Variants in SORCS2 observed in about 807,000 individuals in gnomAD.
The protein encoded by SORCS2 is VPS10 domain-containing receptor SorCS2.
Under a neutral mutation model 141.6 loss-of-function variants are expected in SORCS2, and 100 were observed. The ratio of observed to expected loss-of-function variants is 0.71; its 90% confidence interval spans 0.60 to 0.83. The LOEUF (loss-of-function observed/expected upper bound fraction) is 0.83. Ranked by LOEUF, SORCS2 falls within the 40% of genes least tolerant of loss-of-function variation. The pLI is 0.00. For missense variants in SORCS2, 1,646 were observed against 1,560.2 expected, an observed-to-expected ratio of 1.05 and a Z score of -0.93; for synonymous variants, 789 against 676.9, an observed-to-expected ratio of 1.17 and a Z score of -2.57.
At chr4:7,344,521 C>T (rs892752985) in intron 1 of SORCS2, among the ~76,000 whole-genome samples, 1 of 152,248 alleles carries the variant, frequency 6.6e-6, no homozygotes, top group African/African-American at 2.4e-5. Flanking sequence ...GTGAGACCCA[C>T]TGGAGGGCAA....
At chr4:7,297,767 C>T (rs1717179064) in intron 1 of SORCS2, among the ~76,000 whole-genome samples, 1 of 152,214 alleles carries the variant, frequency 6.6e-6, no homozygotes, top group African/African-American at 2.4e-5. Context: ...TCAGGCTGGC[C>T]TCAGGCAGCA....
chr4:7,463,390 C>T (rs1364865002), intron 2 of SORCS2, among the ~76,000 whole-genome samples: 1 of 152,134 alleles, frequency 6.6e-6, no homozygotes, highest in African/African-American at 2.4e-5. Context: ...GCTTCACTCA[C>T]ATATTCTGAA....
chr4:7,633,734 G>A (rs987594251), intron 3 of SORCS2, among the ~76,000 whole-genome samples: 1 of 152,204 alleles, frequency 6.6e-6, no homozygotes. Flanking sequence ...AATTCCCTTA[G>A]GAGTCGCAGA....
intron 3 of SORCS2, among the ~76,000 whole-genome samples, chr4:7,631,787 T>G (rs1719914736): frequency 7.0e-6 from 1 of 143,786 alleles, no homozygotes. Flanking sequence ...CAGCCCTCCC[T>G]TCCCTCTTCA....
At chr4:7,256,837 G>A (rs956033923) in intron 1 of SORCS2, among the ~76,000 whole-genome samples, 5 of 152,006 alleles carry the variant, frequency 3.3e-5, no homozygotes, top group South Asian at 2.1e-4. Flanking sequence ...TGGGGAGCTC[G>A]GTCTGGCAGA....
intron 10 of SORCS2, among the ~76,000 whole-genome samples, chr4:7,683,666 C>T (rs1475382173): frequency 6.6e-6 from 1 of 152,222 alleles, no homozygotes; most frequent in African/African-American, 2.4e-5. Context: ...GAGGAGCAGA[C>T]ACTTGCTTCT....
chr4:7,624,507 A>G (rs77086893), intron 3 of SORCS2, among the ~76,000 whole-genome samples: 187 of 152,346 alleles, frequency 1.2e-3, no homozygotes, highest in African/African-American at 4.2e-3. Flanking sequence ...TCTCATCACA[A>G]ATATTTGAAG....
At chr4:7,301,351 A>T (rs1287890283) in intron 1 of SORCS2, among the ~76,000 whole-genome samples, 1 of 152,192 alleles carries the variant, frequency 6.6e-6, no homozygotes, top group Non-Finnish European at 1.5e-5. Flanking sequence ...GGAGGTGCTG[A>T]AGCCCACCCA....
intron 1 of SORCS2, among the ~76,000 whole-genome samples, chr4:7,301,526 A>C (rs1222449538): frequency 6.6e-6 from 1 of 152,220 alleles, no homozygotes; most frequent in Non-Finnish European, 1.5e-5. Flanking sequence ...CTGACCCCTG[A>C]GTATGGGCCC....
intron 2 of SORCS2, among the ~76,000 whole-genome samples, chr4:7,520,190 C>G (rs1349245371): frequency 6.6e-6 from 1 of 152,194 alleles, no homozygotes; most frequent in Non-Finnish European, 1.5e-5. Context: ...CAGCCACGTG[C>G]ACGCCTGGTC....
intron 2 of SORCS2, among the ~76,000 whole-genome samples, chr4:7,402,128 A>G (rs1460461284): frequency 1.3e-5 from 2 of 152,132 alleles, no homozygotes; most frequent in African/African-American, 2.4e-5. Flanking sequence ...AGTTTTTACC[A>G]CACCAGAGCC....
In SORCS2 at chr4:7,728,407, A is replaced by T. The variant is rs779772928; in HGVS notation, c.2927A>T (p.Asn976Ile). ...FSKELDAYNP[N>I]TPEWREDVGL... The stretch of plus-strand genomic sequence containing the variant: ...AAGGAGCTGGATGCCTACAACCCCA[A>T]CACCCCTGAGTGGAGGGAAGACGTG... Residue 976 changes from asparagine (N) to isoleucine (I), a missense_variant, in exon 22 of 27, where the codon AAC (asparagine) becomes ATC (isoleucine). Coordinates refer to ENST00000507866, the MANE Select transcript of SORCS2 (RefSeq NM_020777.3). The T allele has an allele frequency of 6.1e-5, 99 of 1,613,570 alleles. No individual in the cohort carries two copies. The South Asian group carries it at 1.1e-3, about 17-fold the overall frequency.
intron 3 of SORCS2, among the ~76,000 whole-genome samples, chr4:7,551,068 C>A (rs539574760): frequency 6.6e-6 from 1 of 152,322 alleles, no homozygotes; most frequent in East Asian, 1.9e-4. Flanking sequence ...CCAGGGAAGG[C>A]CACTTTGTTC....
intron 4 of SORCS2, among the ~76,000 whole-genome samples, chr4:7,639,933 A>ATG (rs137967695): frequency 0.79 from 118,953 of 151,088 alleles, 47,289 homozygotes; most frequent in East Asian, 0.95. Flanking sequence ...TTGTGAGAAT[A>ATG]TGTCTGTGTT....
chr4:7,341,010 A>G (rs1054445350), intron 1 of SORCS2, among the ~76,000 whole-genome samples: 1 of 152,216 alleles, frequency 6.6e-6, no homozygotes, highest in African/African-American at 2.4e-5. Flanking sequence ...CCTGCAGGCC[A>G]CAGCATGAGC....
At chr4:7,523,497 G>T (rs1028039501) in intron 2 of SORCS2, among the ~76,000 whole-genome samples, 1 of 152,116 alleles carries the variant, frequency 6.6e-6, no homozygotes. Context: ...GGCTTCAGGA[G>T]GGGGTAGTAC....
intron 1 of SORCS2, among the ~76,000 whole-genome samples, chr4:7,351,668 C>G (rs934041253): frequency 6.6e-6 from 1 of 150,814 alleles, no homozygotes; most frequent in African/African-American, 2.4e-5. Context: ...CCCTTCCTCT[C>G]CCTCTCTTCC....
At chr4:7,706,528 T>C (rs80183187) in intron 14 of SORCS2, among the ~76,000 whole-genome samples, 7,972 of 73,236 alleles carry the variant, frequency 0.11, 1 homozygote, top group East Asian at 0.37. Context: ...GGCTGGGCTC[T>C]GTCTGGGCAG....
intron 1 of SORCS2, chr4:7,310,655 C>A (rs1718125601): frequency 6.5e-6 from 1 of 153,660 alleles, no homozygotes; most frequent in Non-Finnish European, 1.5e-5. Context: ...ATGCACACAC[C>A]CCAGGGCGGG....
Sources: allele counts gnomAD v4.1 joint callset (sites outside exome capture counted in the v4.1 genomes callset), GRCh38; gene constraint gnomAD v4.1.1; transcripts MANE v1.5; gene names NCBI Gene and HGNC (gene_info 2026-07-23, HGNC 2026-07-21).